Variants in FAM227B observed in about 807,000 individuals in gnomAD.
FAM227B encodes the protein protein FAM227B.
A neutral mutation model predicts 73.8 loss-of-function variants in FAM227B; 88 were observed. That is an observed-to-expected ratio of 1.19 (90% CI 1.00 to 1.42). The LOEUF is 1.42. Among genes scored for constraint, FAM227B ranks in the 40% most tolerant of loss-of-function variants. The probability of loss-of-function intolerance (pLI) is 0.00; values close to 1 mark genes in which losing one functional copy is unlikely to be tolerated. For synonymous variants in FAM227B, 210 were observed against 190.5 expected (o/e 1.10, Z -0.84); for missense variants, 632 against 590.9 (o/e 1.07, Z -0.72).
rs568126867 is a variant in FAM227B, at chr15:49,509,791, C to A, written c.875-1443G>T. On this transcript the variant is annotated intron_variant, in intron 10 of 15. Coordinates refer to ENST00000299338, the MANE Select transcript of FAM227B (RefSeq NM_152647.3). ...TCTAGTAGGATCTATTCAAGTATTT[C>A]CTAGGAAATTGTTATCCTACAGGAT... Among the ~76,000 whole-genome samples the A allele has an allele frequency of 2.3e-4, 35 of 152,110 alleles. No homozygotes were observed. The South Asian group carries it at 7.3e-3, about 32-fold the overall frequency.
chr15:49,568,033 TAAG>T (rs2074794849), intron 9 of FAM227B, among the ~76,000 whole-genome samples: 1 of 152,044 alleles, frequency 6.6e-6, no homozygotes, highest in Admixed American at 6.6e-5. Context: ...CTGTAGTCAC[TAAG>T]GAGATTATGT....
At chr15:49,385,149 T>A (rs1005694736) in intron 11 of FAM227B, among the ~76,000 whole-genome samples, 1 of 151,892 alleles carries the variant, frequency 6.6e-6, no homozygotes, top group South Asian at 2.1e-4. Context: ...CAGGGCAGGT[T>A]TTCTCCTCTC....
At chr15:49,520,712 G>A (rs186862221) in intron 10 of FAM227B, among the ~76,000 whole-genome samples, 6 of 152,146 alleles carry the variant, frequency 3.9e-5, no homozygotes, top group East Asian at 1.9e-4. Context: ...TGAGAACAGC[G>A]TGGGAAAAAC....
At chr15:49,500,861 A>C (rs1348509322) in intron 11 of FAM227B, among the ~76,000 whole-genome samples, 1 of 152,108 alleles carries the variant, frequency 6.6e-6, no homozygotes, top group Non-Finnish European at 1.5e-5. Flanking sequence ...CTCTGAGTTC[A>C]TATGAGGTCT....
intron 11 of FAM227B, among the ~76,000 whole-genome samples, chr15:49,397,132 G>A (rs184832965): frequency 3.3e-5 from 5 of 152,176 alleles, no homozygotes; most frequent in Admixed American, 2.6e-4. Flanking sequence ...TTAGAATAAC[G>A]AATACAGAGA....
At chr15:49,387,182 C>T (rs2046933754) in intron 11 of FAM227B, among the ~76,000 whole-genome samples, 1 of 151,524 alleles carries the variant, frequency 6.6e-6, no homozygotes, top group African/African-American at 2.4e-5. Context: ...CAGGAAAAGA[C>T]ACAACAAAAA....
Position 49,557,746 on chromosome 15 carries a change from C to T in FAM227B, c.747+10499G>A, listed in dbSNP as rs57825058. On this transcript the variant is annotated intron_variant, in intron 9 of 15. Coordinates refer to ENST00000299338, the MANE Select transcript of FAM227B (RefSeq NM_152647.3). ...CTTCTGTGATAGACCTTTGCAATCC[C>T]GGACATGAGAGATATTCCTGACCCC... Among the ~76,000 whole-genome samples, 405 of 152,250 alleles carry T rather than the reference C, an allele frequency of 2.7e-3. 1 individual carries two copies. The highest frequency in any genetic ancestry group is 9.1e-3 in the African/African-American group (380 of 41,532).
At chr15:49,482,860 AG>A (rs1428478167) in intron 11 of FAM227B, among the ~76,000 whole-genome samples, 1 of 152,076 alleles carries the variant, frequency 6.6e-6, no homozygotes, top group Non-Finnish European at 1.5e-5. Flanking sequence ...ATAGTAAATT[AG>A]AAATTTAATT....
chr15:49,523,910 A>G (rs1193293711), intron 10 of FAM227B, among the ~76,000 whole-genome samples: 1 of 152,200 alleles, frequency 6.6e-6, no homozygotes, highest in African/African-American at 2.4e-5. Flanking sequence ...CGAACTTGAG[A>G]GAGATGATTT....
chr15:49,573,735 C>A (rs1476191230), intron 8 of FAM227B, among the ~76,000 whole-genome samples: 1 of 152,148 alleles, frequency 6.6e-6, no homozygotes, highest in African/African-American at 2.4e-5. Flanking sequence ...GTTATTGTAG[C>A]ACAAAACCAA....
chr15:49,425,814 TTTA>T lies in FAM227B; in HGVS notation c.1013-54418_1013-54416del, dbSNP rs1044472446. ...GACAGTTATGGTTTTATTATTATTA[TTTA>T]TTATTATTACTGAGATTAATAAAGG... On this transcript the variant is annotated intron_variant, in intron 11 of 15. Transcript: ENST00000299338. Among the ~76,000 whole-genome samples, 9 of 151,690 alleles carry T rather than the reference TTTA, an allele frequency of 5.9e-5. 1 individual carries two copies. The highest frequency in any genetic ancestry group is 2.2e-4 in the African/African-American group (9 of 41,374).
chr15:49,333,960 C>T lies in FAM227B; in HGVS notation c.1349+1459G>A, dbSNP rs188051864. On this transcript the variant is annotated intron_variant, in intron 14 of 15. Transcript: ENST00000299338. ...AATCTGTTGTTTTTCTAGTTTACAACTTCCATAGGATGGGGAAGGCTTATA... is the reference window on the plus strand; with the variant it reads ...AATCTGTTGTTTTTCTAGTTTACAATTTCCATAGGATGGGGAAGGCTTATA... Among the ~76,000 whole-genome samples the T allele has an allele frequency of 1.2e-4, 19 of 152,268 alleles. No individual in the cohort carries two copies. The East Asian group carries it at 3.7e-3, about 29-fold the overall frequency.
rs896008500 is a variant in FAM227B, at chr15:49,532,068, T to C, written c.874+9612A>G. ...TAAGGGAATATCTATATATAAAATA[T>C]ACATAATATTATATAGATATTTAAG... On this transcript the variant is annotated intron_variant, in intron 10 of 15. Transcript: ENST00000299338. Among the ~76,000 whole-genome samples the C allele has an allele frequency of 2.0e-5, 3 of 149,084 alleles. No individual in the cohort carries two copies. The Admixed American group carries it at 2.0e-4, about 10-fold the overall frequency.
At chr15:49,520,645 G>A (rs980192090) in intron 10 of FAM227B, among the ~76,000 whole-genome samples, 1 of 152,176 alleles carries the variant, frequency 6.6e-6, no homozygotes, top group Non-Finnish European at 1.5e-5. Flanking sequence ...GAGAGCATGT[G>A]CAGGCGGAGC....
chr15:49,387,361 T>C (rs1182512925), intron 11 of FAM227B, among the ~76,000 whole-genome samples: 1 of 151,850 alleles, frequency 6.6e-6, no homozygotes, highest in Non-Finnish European at 1.5e-5. Context: ...GTAAGTGTAA[T>C]ACATCACATA....
At chr15:49,544,995 G>A (rs1287767763) in intron 9 of FAM227B, among the ~76,000 whole-genome samples, 2 of 152,060 alleles carry the variant, frequency 1.3e-5, no homozygotes, top group African/African-American at 4.8e-5. Flanking sequence ...CCTGGTTTTG[G>A]TATTAGGGTG....
intron 11 of FAM227B, among the ~76,000 whole-genome samples, chr15:49,403,561 T>C (rs2048317762): frequency 6.6e-6 from 1 of 152,212 alleles, no homozygotes; most frequent in Admixed American, 6.5e-5. Flanking sequence ...GAGGTGTTTA[T>C]AGTATTCTCT....
intron 11 of FAM227B, among the ~76,000 whole-genome samples, chr15:49,451,748 C>T (rs1749913210): frequency 6.6e-6 from 1 of 152,024 alleles, no homozygotes; most frequent in Non-Finnish European, 1.5e-5. Context: ...ATTAATACTC[C>T]TAAATTTTAT....
At chr15:49,380,224 T>C (rs2046434352) in intron 11 of FAM227B, among the ~76,000 whole-genome samples, 1 of 152,186 alleles carries the variant, frequency 6.6e-6, no homozygotes, top group Non-Finnish European at 1.5e-5. Context: ...CCACAAGCTC[T>C]TCAGTCAGTT....
Sources: allele counts gnomAD v4.1 joint callset (sites outside exome capture counted in the v4.1 genomes callset), GRCh38; gene constraint gnomAD v4.1.1; transcripts MANE v1.5; gene names NCBI Gene and HGNC (gene_info 2026-07-23, HGNC 2026-07-21).